The following EPSTI1 variants were observed in gnomAD, a reference collection of about 807,000 sequenced individuals.
EPSTI1 encodes epithelial-stromal interaction protein 1.
Under a neutral mutation model 49.9 loss-of-function variants are expected in EPSTI1, and 66 were observed. The ratio of observed to expected loss-of-function variants is 1.32; its 90% CI spans 1.08 to 1.62. EPSTI1 has a LOEUF of 1.62. Among genes scored for constraint, EPSTI1 ranks in the 40% most tolerant of loss-of-function variants. The pLI is 0.00. For synonymous variants in EPSTI1, 137 were observed against 130.7 expected (o/e 1.05, Z -0.33); for missense variants, 394 against 365.5 (o/e 1.08, Z -0.64).
intron 6 of EPSTI1, among the ~76,000 whole-genome samples, chr13:42,932,266 G>C (rs2038402824): frequency 7.7e-6 from 1 of 130,640 alleles, no homozygotes; most frequent in African/African-American, 2.9e-5. Context: ...ATAGTGCCAA[G>C]CTGATCTACA....
chr13:42,913,944 C>T (rs1324801777), intron 8 of EPSTI1, among the ~76,000 whole-genome samples: 2 of 152,126 alleles, frequency 1.3e-5, no homozygotes, highest in Non-Finnish European at 2.9e-5. Flanking sequence ...AAGTATATAG[C>T]ACATCCCCCT....
At chr13:42,965,036 G>A (rs1249162348) in intron 3 of EPSTI1, among the ~76,000 whole-genome samples, 2 of 152,216 alleles carry the variant, frequency 1.3e-5, no homozygotes, top group Non-Finnish European at 2.9e-5. Flanking sequence ...CTTTTCTTCT[G>A]AGATCTGAAA....
intron 1 of EPSTI1, among the ~76,000 whole-genome samples, chr13:42,979,768 A>C (rs2039955339): frequency 6.6e-6 from 1 of 152,158 alleles, no homozygotes; most frequent in Admixed American, 6.5e-5. Context: ...CATCATCCCT[A>C]AATATTTTAG....
At chr13:42,990,413 T>C (rs540171490) in intron 1 of EPSTI1, among the ~76,000 whole-genome samples, 109 of 152,318 alleles carry the variant, frequency 7.2e-4, no homozygotes, top group African/African-American at 2.3e-3. Context: ...TTAATACTTA[T>C]GCGATGATAT....
chr13:42,942,758 G>A (rs531151435), intron 6 of EPSTI1, among the ~76,000 whole-genome samples: 4 of 132,852 alleles, frequency 3.0e-5, no homozygotes, highest in African/African-American at 8.5e-5. Flanking sequence ...GCGCAATCTC[G>A]GCTCACTGCA....
chr13:42,916,748 T>C (rs1421860806), intron 8 of EPSTI1, among the ~76,000 whole-genome samples: 1 of 152,156 alleles, frequency 6.6e-6, no homozygotes, highest in East Asian at 1.9e-4. Context: ...AGTTGGAAAA[T>C]AATAATGATG....
At position 42,992,095 on chromosome 13, in the gene EPSTI1, G is replaced by T; in HGVS notation, c.71C>A (p.Pro24His). 6.2e-7 allele frequency: 1 copy of T among 1,612,574 alleles called. No homozygotes were observed. Among genetic ancestry groups the T allele is most frequent in the Non-Finnish European group, 8.5e-7 (1 of 1,179,694 alleles). Residue 24 changes from proline to histidine, a missense_variant, in exon 1 of 11, where the codon CCC (proline) becomes CAC (histidine). Physicochemically the swap from Pro to His is moderately conservative, Grantham distance 77. Coordinates refer to ENST00000313624, the MANE Select transcript of EPSTI1 (RefSeq NM_033255.5). ...ASPASRPTRD[P>H]QDPSGRQGEL... ...CCCTTGCCGCCCAGAAGGGTCCTGG[G>T]GATCCCGGGTCGGGCGGGAGGCAGG...
At chr13:42,936,102 T>C (rs763263138) in intron 6 of EPSTI1, among the ~76,000 whole-genome samples, 9 of 152,214 alleles carry the variant, frequency 5.9e-5, no homozygotes, top group South Asian at 2.1e-4. Context: ...CTTTTAATCA[T>C]TGACTAATCA....
In EPSTI1 at chr13:42,966,841, G is replaced by A. The variant is rs890917168; in HGVS notation, c.331+2253C>T. Among the ~76,000 whole-genome samples, 22 of 75,680 alleles carry A rather than the reference G, an allele frequency of 2.9e-4. 9 individuals carry two copies. The highest frequency in any genetic ancestry group is 1.9e-3 in the Admixed American group (12 of 6,234). 49.6% of individuals were successfully genotyped at this position (75,680 alleles called of 152,430 possible). On this transcript the variant is annotated intron_variant, in intron 3 of 10. Transcript: ENST00000313624. ...GGCGGCTTTGTGGAATAGAAAGGCGGGAAAGGTGGGGAAAAGATTGAGAAA... is the reference window on the plus strand; with the variant it reads ...GGCGGCTTTGTGGAATAGAAAGGCGAGAAAGGTGGGGAAAAGATTGAGAAA...
chr13:42,990,474 A>C (rs1381984401), intron 1 of EPSTI1, among the ~76,000 whole-genome samples: 1 of 152,224 alleles, frequency 6.6e-6, no homozygotes, highest in Non-Finnish European at 1.5e-5. Context: ...TAACAGAAAA[A>C]AGTCATGCAA....
At chr13:42,939,211 C>T (rs1387256579) in intron 6 of EPSTI1, among the ~76,000 whole-genome samples, 2 of 152,204 alleles carry the variant, frequency 1.3e-5, no homozygotes, top group Non-Finnish European at 2.9e-5. Flanking sequence ...ATCTTCTATC[C>T]AGACCACTTG....
intron 6 of EPSTI1, among the ~76,000 whole-genome samples, chr13:42,952,170 A>C (rs2039118620): frequency 6.6e-6 from 1 of 152,188 alleles, no homozygotes; most frequent in East Asian, 1.9e-4. Flanking sequence ...ATGTGGGCGC[A>C]GACAAATAAG....
intron 6 of EPSTI1, among the ~76,000 whole-genome samples, chr13:42,928,115 C>G (rs983938556): frequency 2.6e-5 from 4 of 152,118 alleles, no homozygotes; most frequent in African/African-American, 9.7e-5. Context: ...CCCACTCATG[C>G]CGCAGGATAT....
intron 10 of EPSTI1, among the ~76,000 whole-genome samples, chr13:42,894,177 CATG>C (rs1412276646): frequency 6.6e-6 from 1 of 152,182 alleles, no homozygotes; most frequent in African/African-American, 2.4e-5. Context: ...ACTTCTCAAA[CATG>C]ATCTTTTGTC....
chr13:42,961,080 A>G (rs2039434155), intron 5 of EPSTI1, among the ~76,000 whole-genome samples: 1 of 152,168 alleles, frequency 6.6e-6, no homozygotes, highest in South Asian at 2.1e-4. Flanking sequence ...AAATCAATAA[A>G]TATCATACAC....
chr13:42,916,117 C>T (rs118188030), intron 8 of EPSTI1, among the ~76,000 whole-genome samples: 3,203 of 152,162 alleles, frequency 0.021, 52 homozygotes, highest in Non-Finnish European at 0.032. Flanking sequence ...CAAATGAACA[C>T]TTTTACGTCA....
chr13:42,900,115 T>G (rs1050858786), intron 9 of EPSTI1, among the ~76,000 whole-genome samples, 195 bp downstream of exon 9: 1 of 152,244 alleles, frequency 6.6e-6, no homozygotes, highest in Non-Finnish European at 1.5e-5. Context: ...CATGCACATA[T>G]GTACACACGT....
chr13:42,974,209 G>T (rs2039828353), intron 1 of EPSTI1, among the ~76,000 whole-genome samples: 1 of 151,936 alleles, frequency 6.6e-6, no homozygotes, highest in African/African-American at 2.4e-5. Context: ...GATAGCACAC[G>T]CCTGTAATCC....
At chr13:42,971,547 T>C (rs2039767796) in intron 1 of EPSTI1, among the ~76,000 whole-genome samples, 1 of 152,140 alleles carries the variant, frequency 6.6e-6, no homozygotes, top group African/African-American at 2.4e-5. Context: ...AGCATACATG[T>C]AGGTACAGTT....
Sources: gnomAD v4.1 joint callset for allele counts (sites outside exome capture counted in the v4.1 genomes callset) on GRCh38, gnomAD v4.1.1 for gene constraint, MANE v1.5 for transcripts, NCBI Gene and HGNC (gene_info 2026-07-23, HGNC 2026-07-21) for gene names.